Variants in SLC12A2 observed in about 807,000 individuals in gnomAD.
SLC12A2 encodes the protein solute carrier family 12 member 2.
Under a neutral mutation model 136.3 loss-of-function variants are expected in SLC12A2, and 67 were observed. The ratio of observed to expected loss-of-function variants is 0.49; its 90% CI spans 0.40 to 0.60. SLC12A2 has a LOEUF of 0.60. SLC12A2 is among the 20% of genes least tolerant of loss of function. The probability of loss-of-function intolerance (pLI) is 0.00; values close to 1 mark genes in which losing one functional copy is unlikely to be tolerated. For synonymous variants in SLC12A2, 619 were observed against 562.9 expected (o/e 1.10, Z -1.41); for missense variants, 1,322 against 1,534.7 (o/e 0.86, Z 2.32).
At chr5:128,169,460 T>C (rs1763302224) in intron 18 of SLC12A2, 1 of 152,186 alleles carries the variant, frequency 6.6e-6, no homozygotes, top group South Asian at 2.1e-4. Context: ...TACTCTACTT[T>C]TTAAAGGATC....
At chr5:128,160,250 G>A (rs1762996730) in intron 16 of SLC12A2, among the ~76,000 whole-genome samples, 2 of 151,902 alleles carry the variant, frequency 1.3e-5, no homozygotes, top group Non-Finnish European at 2.9e-5. Context: ...AGGTGGGGGG[G>A]CTCGGGGAGG....
chr5:128,174,631 C>T lies in SLC12A2; in HGVS notation c.2894C>T (p.Ser965Phe). 1 of 1,605,736 alleles carries T rather than the reference C, an allele frequency of 6.2e-7. No individual in the cohort carries two copies. Among genetic ancestry groups the T allele is most frequent in the Non-Finnish European group, 8.5e-7 (1 of 1,175,928 alleles). Residue 965 changes from serine (S) to phenylalanine (F), a missense_variant, in exon 20 of 27, where the codon TCC (serine) becomes TTC (phenylalanine). This residue lies in a region of SLC12A2 where 226 missense variants were observed against 210.4 expected (regional missense o/e 1.07). Coordinates refer to ENST00000262461, the MANE Select transcript of SLC12A2 (RefSeq NM_001046.3). ...EYSKKSDLDT[S>F]KPLSEKPITH... is the part of the protein sequence containing the mutation. ...AGTAAAAAGTCCGATTTAGATACTT[C>T]CAAACCACTCAGTGAAAAACCAATT...
chr5:128,087,614 C>G (rs1325655173), intron 1 of SLC12A2, among the ~76,000 whole-genome samples: 1 of 152,082 alleles, frequency 6.6e-6, no homozygotes, highest in African/African-American at 2.4e-5. Context: ...AAGGAGATAA[C>G]TATTTTTCAT....
chr5:128,142,125 T>TA lies in SLC12A2; in HGVS notation c.1773+145dup, dbSNP rs1328032664. 5 of 709,928 alleles carry TA rather than the reference T, an allele frequency of 7.0e-6. No individual in the cohort carries two copies. In the African/African-American group the frequency reaches 9.2e-5, roughly 13 times the overall value. 44.0% of individuals were successfully genotyped at this position (709,928 alleles called of 1,614,324 possible). On this transcript the variant is annotated intron_variant, in intron 10 of 26. Coordinates refer to ENST00000262461, the MANE Select transcript of SLC12A2 (RefSeq NM_001046.3). The stretch of plus-strand genomic sequence containing the variant: ...TTTAATTTTTAATTTTTTCTTGAGA[T>TA]AGAGTCTCACTCTGTCGCCCAGGCT...
chr5:128,183,324 C>T (rs552351050), intron 24 of SLC12A2, among the ~76,000 whole-genome samples: 2 of 152,078 alleles, frequency 1.3e-5, no homozygotes, highest in Non-Finnish European at 2.9e-5. Context: ...ATTCTTCTAG[C>T]AAAGACTTTG....
chr5:128,143,846 C>T (rs969828183), intron 10 of SLC12A2, among the ~76,000 whole-genome samples: 7 of 149,880 alleles, frequency 4.7e-5, no homozygotes, highest in South Asian at 2.1e-4. Context: ...GTAAGTTTTA[C>T]AATACAATTT....
chr5:128,115,934 G>A (rs1761329298), intron 4 of SLC12A2, among the ~76,000 whole-genome samples: 1 of 152,152 alleles, frequency 6.6e-6, no homozygotes, highest in African/African-American at 2.4e-5. Flanking sequence ...TGACTATGCT[G>A]AGCATTCATC....
chr5:128,172,747 G>A (rs1377761668), intron 19 of SLC12A2, among the ~76,000 whole-genome samples: 1 of 152,128 alleles, frequency 6.6e-6, no homozygotes, highest in African/African-American at 2.4e-5. Flanking sequence ...GATGACCAGA[G>A]GTCAGGAGTT....
rs1455792807 is a variant in SLC12A2 at position 128,187,863 on chromosome 5, ACT to A, written c.*1233_*1234del. On this transcript the variant is annotated 3_prime_UTR_variant, in exon 27 of 27. Coordinates refer to ENST00000262461, the MANE Select transcript of SLC12A2 (RefSeq NM_001046.3). ...AGTAAAATTTTGACAGTGCATATGT[ACT>A]GTTACTAAAAGCTTTATATGAAATT... The A allele has an allele frequency of 6.6e-6, 1 of 152,608 alleles. No individual in the cohort carries two copies. Among genetic ancestry groups the A allele is most frequent in the Non-Finnish European group, 1.5e-5 (1 of 68,034 alleles). The allele number at this position is 152,608 out of a possible 1,614,324, so 9.5% of individuals were successfully genotyped here. A position where few individuals can be genotyped will look rare whatever the true frequency, so the allele number is the denominator to read the frequency against.
intron 1 of SLC12A2, among the ~76,000 whole-genome samples, chr5:128,085,296 G>T (rs1760058713): frequency 6.6e-6 from 1 of 151,740 alleles, no homozygotes; most frequent in South Asian, 2.1e-4. Context: ...CCTAATAATG[G>T]CATAACTCTT....
At chr5:128,180,627 C>T (rs1009090661) in intron 22 of SLC12A2, among the ~76,000 whole-genome samples, 3 of 152,114 alleles carry the variant, frequency 2.0e-5, no homozygotes, top group African/African-American at 7.2e-5. Context: ...TTTCTCAATC[C>T]TGTTGTATGT....
At chr5:128,109,784 A>G in intron 1 of SLC12A2, 1 of 826,588 alleles carries the variant, frequency 1.2e-6, no homozygotes, top group South Asian at 1.3e-5. Context: ...GGTAAGATAC[A>G]GAATGTGTGC....
intron 4 of SLC12A2, among the ~76,000 whole-genome samples, chr5:128,119,922 A>G (rs935316446): frequency 3.3e-5 from 5 of 152,158 alleles, no homozygotes; most frequent in African/African-American, 7.2e-5. Flanking sequence ...TGAACAGGCA[A>G]CCTACAGAAT....
At chr5:128,116,726 T>G (rs1474188518) in intron 4 of SLC12A2, among the ~76,000 whole-genome samples, 1 of 152,156 alleles carries the variant, frequency 6.6e-6, no homozygotes. Flanking sequence ...TACGAAGCTT[T>G]CTTAGAAGGC....
At chr5:128,116,512 C>G (rs767430278) in intron 4 of SLC12A2, among the ~76,000 whole-genome samples, 1 of 151,642 alleles carries the variant, frequency 6.6e-6, no homozygotes, top group Non-Finnish European at 1.5e-5. Flanking sequence ...CCACACAGAT[C>G]TGTCCCAAAA....
Position 128,084,780 on chromosome 5 carries a change from C to G in SLC12A2, c.756+70C>G. 5 of 1,455,800 alleles carry G rather than the reference C, an allele frequency of 3.4e-6. No homozygotes were observed. The highest frequency in any genetic ancestry group is 4.6e-6 in the Non-Finnish European group (5 of 1,096,250). The allele number at this position is 1,455,800 out of a possible 1,614,324, so 90.2% of individuals were successfully genotyped here. On this transcript the variant is annotated intron_variant, in intron 1 of 26. Transcript: ENST00000262461. This position sits in a 1 kb window ranked among gnomAD's most constrained non-coding sequence, Gnocchi z 5.6. The stretch of plus-strand genomic sequence containing the variant: ...GCCGACCGCGGGATGTGGCTGCAGA[C>G]TCTTCCCGAGTTGAGGTGGCGGGAG...
chr5:128,173,470 A>G (rs1194735554), intron 19 of SLC12A2, among the ~76,000 whole-genome samples: 1 of 152,196 alleles, frequency 6.6e-6, no homozygotes, highest in Non-Finnish European at 1.5e-5. Context: ...ATTTATAATC[A>G]TTGTGAAATG....
intron 1 of SLC12A2, chr5:128,111,002 C>T (rs1581070148): frequency 1.4e-6 from 1 of 725,068 alleles, no homozygotes; most frequent in East Asian, 2.5e-5. Flanking sequence ...CTCTGATATG[C>T]AAAATAACTT....
chr5:128,178,296 A>G (rs1763596103), intron 21 of SLC12A2: 1 of 209,000 alleles, frequency 4.8e-6, no homozygotes, highest in Admixed American at 5.8e-5. Flanking sequence ...TGATTCTCTT[A>G]CATTCATTCA....
Sources: allele counts gnomAD v4.1 joint callset (sites outside exome capture counted in the v4.1 genomes callset), GRCh38; gene constraint gnomAD v4.1.1; regional missense constraint gnomAD v4.1.1; non-coding constraint Gnocchi (gnomAD v3.1); transcripts MANE v1.5; gene names NCBI Gene and HGNC (gene_info 2026-07-23, HGNC 2026-07-21).